ESCO1: variants seen among roughly 807,000 people sequenced by gnomAD.
The protein encoded by ESCO1 is N-acetyltransferase ESCO1.
A neutral mutation model predicts 83.5 loss-of-function variants in ESCO1; 33 were observed. The ratio of observed to expected loss-of-function variants is 0.40; its 90% CI spans 0.30 to 0.53. The LOEUF (loss-of-function observed/expected upper bound fraction) is 0.53. Ranked by LOEUF, ESCO1 falls within the 20% of genes least tolerant of loss-of-function variation. ESCO1 has a pLI of 0.63. For missense variants in ESCO1, 855 were observed against 968.0 expected, an observed-to-expected ratio of 0.88 and a Z score of 1.55; for synonymous variants, 332 against 324.3, an observed-to-expected ratio of 1.02 and a Z score of -0.25.
At chr18:21,533,491 T>C (rs2037794109) in intron 10 of ESCO1, among the ~76,000 whole-genome samples, 1 of 152,144 alleles carries the variant, frequency 6.6e-6, no homozygotes, top group Non-Finnish European at 1.5e-5. Flanking sequence ...AGATGGGGTT[T>C]CAACATGTTG....
intron 4 of ESCO1, among the ~76,000 whole-genome samples, chr18:21,573,036 A>T (rs964839924): frequency 6.6e-6 from 1 of 152,200 alleles, no homozygotes; most frequent in Non-Finnish European, 1.5e-5. Flanking sequence ...AGTGTGTTAA[A>T]TTTAAAAGAA....
intron 1 of ESCO1, among the ~76,000 whole-genome samples, chr18:21,586,970 A>AT (rs1303754021): frequency 1.3e-5 from 2 of 151,664 alleles, no homozygotes; most frequent in Non-Finnish European, 2.9e-5. Flanking sequence ...ATTTTGTCAG[A>AT]TTTTTTTTCT....
At chr18:21,587,546 TTTTA>T (rs1163227644) in intron 1 of ESCO1, among the ~76,000 whole-genome samples, 1 of 152,214 alleles carries the variant, frequency 6.6e-6, no homozygotes, top group Admixed American at 6.5e-5. Flanking sequence ...TTTTAACCCT[TTTTA>T]TTTTAGTAAT....
chr18:21,597,830 C>A (rs2038787504), intron 1 of ESCO1, among the ~76,000 whole-genome samples: 1 of 152,172 alleles, frequency 6.6e-6, no homozygotes, highest in Non-Finnish European at 1.5e-5. Context: ...TTCCTTTAAG[C>A]ATTGTAATGC....
At chr18:21,561,769 C>T (rs1406262879) in intron 7 of ESCO1, among the ~76,000 whole-genome samples, 1 of 151,894 alleles carries the variant, frequency 6.6e-6, no homozygotes. Context: ...GAGAATTTTA[C>T]CATGTTGCCC....
intron 1 of ESCO1, among the ~76,000 whole-genome samples, chr18:21,587,695 G>C (rs1436602686): frequency 6.6e-6 from 1 of 151,994 alleles, no homozygotes; most frequent in Non-Finnish European, 1.5e-5. Flanking sequence ...CCAGCACTTT[G>C]GGAGGCCAAG....
At chr18:21,580,434 C>A (rs2038486590) in intron 2 of ESCO1, among the ~76,000 whole-genome samples, 1 of 151,940 alleles carries the variant, frequency 6.6e-6, no homozygotes, top group African/African-American at 2.4e-5. Flanking sequence ...AATTATGTCC[C>A]AAGTAGAATT....
intron 8 of ESCO1, chr18:21,540,709 A>C: frequency 7.9e-7 from 1 of 1,272,828 alleles, no homozygotes; most frequent in Non-Finnish European, 1.0e-6. Context: ...ACCTGCATAA[A>C]AAAACAAAAC....
chr18:21,564,914 A>C (rs1231601826), intron 6 of ESCO1, among the ~76,000 whole-genome samples: 1 of 151,782 alleles, frequency 6.6e-6, no homozygotes, highest in Non-Finnish European at 1.5e-5. Flanking sequence ...AAAATAAATA[A>C]ATAAAATAAA....
intron 8 of ESCO1, among the ~76,000 whole-genome samples, chr18:21,541,592 CAAAAA>C (rs58040604): frequency 9.2e-5 from 8 of 86,808 alleles, no homozygotes; most frequent in East Asian, 3.4e-4. Flanking sequence ...GACACTGTCC[CAAAAA>C]AAAAAAAAAA....
intron 8 of ESCO1, among the ~76,000 whole-genome samples, chr18:21,556,317 T>G (rs1186958900): frequency 6.6e-6 from 1 of 152,170 alleles, no homozygotes; most frequent in Admixed American, 6.6e-5. Context: ...TACTATTCAC[T>G]TCTCTTTTCT....
rs1364277508 is a variant in ESCO1 at position 21,574,414 on chromosome 18, G to C, written c.430C>G (p.Gln144Glu). The C allele has an allele frequency of 6.2e-7, 1 of 1,613,938 alleles. No individual in the cohort carries two copies. Among genetic ancestry groups the C allele is most frequent in the African/African-American group, 1.3e-5 (1 of 74,904 alleles). ...RSLRSREIQGQVQAVKQSLPP... is the reference protein window; with the variant it reads ...RSLRSREIQGEVQAVKQSLPP... Reference sequence around the variant, plus strand: ...AAACTCTGTTTAACTGCTTGAACTTGACCCTGAATTTCTCTACTGCGTAAC... The same window carrying C: ...AAACTCTGTTTAACTGCTTGAACTTCACCCTGAATTTCTCTACTGCGTAAC... Residue 144 changes from glutamine (Q) to glutamate (E), a missense_variant, in exon 4 of 12, where the codon CAA (glutamine) becomes GAA (glutamate). Transcript: ENST00000269214.
At chr18:21,542,480 T>C (rs1160628439) in intron 8 of ESCO1, among the ~76,000 whole-genome samples, 2 of 152,230 alleles carry the variant, frequency 1.3e-5, no homozygotes, top group East Asian at 1.9e-4. Context: ...TTCTGTTTCC[T>C]GATCTTAGCA....
At chr18:21,590,954 A>G (rs994832392) in intron 1 of ESCO1, among the ~76,000 whole-genome samples, 6 of 143,052 alleles carry the variant, frequency 4.2e-5, no homozygotes, top group East Asian at 2.5e-4. Context: ...AAGAAAAAAA[A>G]AAAAGAAAAA....
chr18:21,559,314 G>A (rs751155825), intron 8 of ESCO1, among the ~76,000 whole-genome samples: 8 of 152,198 alleles, frequency 5.3e-5, no homozygotes, highest in Admixed American at 2.6e-4. Context: ...GCTGGGGCAG[G>A]AAATAATCTT....
chr18:21,570,233 G>A (rs748948214), intron 4 of ESCO1, among the ~76,000 whole-genome samples: 7 of 152,066 alleles, frequency 4.6e-5, no homozygotes, highest in Admixed American at 3.3e-4. Context: ...AAGTAGCTGG[G>A]ACCACAGGCA....
chr18:21,599,515 G>C (rs994101874), intron 1 of ESCO1, among the ~76,000 whole-genome samples: 1 of 152,090 alleles, frequency 6.6e-6, no homozygotes, highest in Non-Finnish European at 1.5e-5. Context: ...CTGGTGGGGG[G>C]ACTAACCACA....
chr18:21,550,724 A>C (rs2038034033), intron 8 of ESCO1, among the ~76,000 whole-genome samples: 1 of 152,220 alleles, frequency 6.6e-6, no homozygotes, highest in African/African-American at 2.4e-5. Context: ...TGTTATCACA[A>C]TGTACATCTC....
At chr18:21,557,263 G>C (rs1327928471) in intron 8 of ESCO1, among the ~76,000 whole-genome samples, 1 of 152,126 alleles carries the variant, frequency 6.6e-6, no homozygotes, top group Non-Finnish European at 1.5e-5. Flanking sequence ...ATCACAATTT[G>C]ACTTGATTGT....
Sources: allele counts gnomAD v4.1 joint callset (sites outside exome capture counted in the v4.1 genomes callset), GRCh38; gene constraint gnomAD v4.1.1; transcripts MANE v1.5; gene names NCBI Gene and HGNC (gene_info 2026-07-23, HGNC 2026-07-21).